Variants in SYTL2 observed in about 807,000 individuals in gnomAD.
SYTL2 encodes synaptotagmin-like protein 2.
SYTL2 carries 165 observed loss-of-function variants against 198.7 expected under a neutral mutation model. The observed-to-expected ratio is 0.83, with a 90% CI of 0.73 to 0.94. The LOEUF is 0.94. SYTL2 is among the 40% of genes least tolerant of loss of function. The pLI is 0.00. For missense variants in SYTL2, 2,835 were observed against 2,582.8 expected (o/e 1.10, Z -2.12); for synonymous variants, 966 against 917.7 (o/e 1.05, Z -0.95).
At chr11:85,792,043 T>C (rs2092738163) in intron 1 of SYTL2, among the ~76,000 whole-genome samples, 2 of 152,184 alleles carry the variant, frequency 1.3e-5, no homozygotes, top group African/African-American at 2.4e-5. Flanking sequence ...AGATTATTAC[T>C]ACATACAAAA....
At chr11:85,848,776 G>A in the SYTL2 span, among the ~76,000 whole-genome samples, 1 of 152,192 alleles carries the variant, frequency 6.6e-6, no homozygotes, top group Non-Finnish European at 1.5e-5. Context: ...ATATAGTCCA[G>A]GTTCCTGGGA....
chr11:85,738,135 G>A (rs2090501866), intron 4 of SYTL2, among the ~76,000 whole-genome samples: 2 of 152,142 alleles, frequency 1.3e-5, no homozygotes, highest in South Asian at 4.1e-4. Context: ...TTTTCCCCAT[G>A]AAGTAAGGAA....
intron 1 of SYTL2, among the ~76,000 whole-genome samples, chr11:85,761,069 T>C (rs1034135843): frequency 2.0e-5 from 3 of 152,226 alleles, no homozygotes; most frequent in African/African-American, 4.8e-5. Flanking sequence ...CTGGCACTAT[T>C]CTAAGCACTG....
intron 1 of SYTL2, among the ~76,000 whole-genome samples, chr11:85,794,050 T>C (rs2092768769): frequency 6.6e-6 from 1 of 152,204 alleles, no homozygotes; most frequent in Non-Finnish European, 1.5e-5. Flanking sequence ...TTTTTTTTCT[T>C]GTAGAGACAG....
intron 1 of SYTL2, among the ~76,000 whole-genome samples, chr11:85,790,806 T>A (rs2092717404): frequency 6.6e-6 from 1 of 152,002 alleles, no homozygotes; most frequent in African/African-American, 2.4e-5. Flanking sequence ...CACTTTAATG[T>A]GAAGAGATGA....
chr11:85,827,422 TTATC>T, the SYTL2 span, among the ~76,000 whole-genome samples: 1 of 152,170 alleles, frequency 6.6e-6, no homozygotes, highest in African/African-American at 2.4e-5. Flanking sequence ...TCCCTGTACT[TTATC>T]TATTGTGGTC....
Position 85,726,854 on chromosome 11 carries a change from C to A in SYTL2, c.2504G>T (p.Gly835Val), listed in dbSNP as rs748158518. ...KAYQPVKKSQ[G>V]VSSMDSLSTD... ...AGATAAACTGTCCATGGATGATACA[C>A]CCTGTGACTTCTTCACAGGCTGATA... The change falls in exon 8 of 20, where the codon GGT becomes GTT. Residue 835 changes from glycine to valine, a missense_variant. Gly to Val is a moderately radical substitution (Grantham distance 109, BLOSUM62 -3). This residue lies in a region of SYTL2 where 2,645 missense variants were observed against 2,381.7 expected (regional missense o/e 1.11). Coordinates refer to ENST00000359152, the MANE Select transcript of SYTL2 (RefSeq NM_206927.4). The A allele has an allele frequency of 3.3e-6, 5 of 1,536,536 alleles. No individual in the cohort carries two copies. In the South Asian group the frequency reaches 5.9e-5, roughly 18 times the overall value.
chr11:85,745,798 G>A, intron 3 of SYTL2, 26 bp from the exon 4 acceptor site: 1 of 1,595,702 alleles, frequency 6.3e-7, no homozygotes, highest in South Asian at 1.1e-5. Flanking sequence ...GTAAAGACAG[G>A]AAGGTTATCT....
chr11:85,826,920 ACAGGCTAGCAAGTCC>A, the SYTL2 span, among the ~76,000 whole-genome samples: 2 of 152,334 alleles, frequency 1.3e-5, no homozygotes, highest in South Asian at 4.1e-4. Flanking sequence ...TCTGTGAAAA[ACAGGCTAGCAAGTCC>A]CAGGACCTTT....
chr11:85,772,044 AG>A (rs1259502736), intron 1 of SYTL2, among the ~76,000 whole-genome samples: 1 of 152,144 alleles, frequency 6.6e-6, no homozygotes, highest in African/African-American at 2.4e-5. Context: ...CTAGGCCTAC[AG>A]GCATATGACA....
intron 14 of SYTL2, among the ~76,000 whole-genome samples, 153 bp from the exon 15 acceptor site, chr11:85,707,684 T>C (rs2085419399): frequency 6.6e-6 from 1 of 152,226 alleles, no homozygotes; most frequent in Non-Finnish European, 1.5e-5. Context: ...CCAATACCTT[T>C]ATACTTAAAT....
chr11:85,760,318 C>T lies in SYTL2; in HGVS notation c.-389-2204G>A, dbSNP rs531145334. 1.2e-4 allele frequency among the ~76,000 whole-genome samples: 19 copies of T among 152,292 alleles called. 1 individual carries two copies. The South Asian group carries it at 3.3e-3, about 27-fold the overall frequency. On this transcript the variant is annotated intron_variant, in intron 1 of 19. Coordinates refer to ENST00000359152, the MANE Select transcript of SYTL2 (RefSeq NM_206927.4). ...GTTTGGGAGTTGTTATACGATACTC[C>T]CGCAGCAGGAACCTGCTAATACAAA...
intron 14 of SYTL2, chr11:85,708,034 A>G (rs966843426): frequency 5.5e-6 from 2 of 361,332 alleles, no homozygotes; most frequent in African/African-American, 4.5e-5. Flanking sequence ...GTGGTGATGC[A>G]TGCCTGTAAT....
chr11:85,848,617 T>C, the SYTL2 span, among the ~76,000 whole-genome samples: 1 of 152,254 alleles, frequency 6.6e-6, no homozygotes, highest in Non-Finnish European at 1.5e-5. Flanking sequence ...TGTACAAGTA[T>C]GTTTCTTGAT....
chr11:85,825,916 A>G, the SYTL2 span, among the ~76,000 whole-genome samples: 2 of 152,218 alleles, frequency 1.3e-5, no homozygotes, highest in Non-Finnish European at 2.9e-5. Flanking sequence ...TTAGATTGTA[A>G]GCTCCTTGGA....
intron 1 of SYTL2, among the ~76,000 whole-genome samples, chr11:85,806,234 C>A (rs768659198): frequency 5.9e-5 from 9 of 152,170 alleles, no homozygotes; most frequent in Non-Finnish European, 1.3e-4. Flanking sequence ...CTAAATTGTT[C>A]TTTTCATCTC....
intron 1 of SYTL2, among the ~76,000 whole-genome samples, chr11:85,798,182 GT>G: frequency 6.6e-6 from 1 of 152,030 alleles, no homozygotes; most frequent in Non-Finnish European, 1.5e-5. Flanking sequence ...CTCAAGTTCA[GT>G]TTTTTTGTCA....
intron 1 of SYTL2, among the ~76,000 whole-genome samples, chr11:85,796,017 T>C (rs1288592534): frequency 6.6e-6 from 1 of 152,224 alleles, no homozygotes; most frequent in Non-Finnish European, 1.5e-5. Context: ...AGAAGAGCCT[T>C]AACATTCACT....
At chr11:85,814,114 T>A (rs757898071), upstream of SYTL2, among the ~76,000 whole-genome samples, 2 of 152,208 alleles carry the variant, frequency 1.3e-5, no homozygotes, top group Non-Finnish European at 2.9e-5. Context: ...GCATATTGCC[T>A]GGCCCAAGGT....
Sources: gnomAD v4.1 joint callset for allele counts (sites outside exome capture counted in the v4.1 genomes callset) on GRCh38, gnomAD v4.1.1 for gene constraint, gnomAD v4.1.1 regional missense constraint, MANE v1.5 for transcripts, NCBI Gene and HGNC (gene_info 2026-07-23, HGNC 2026-07-21) for gene names.